Variants in PTPRD observed in about 807,000 individuals in gnomAD.
PTPRD encodes receptor-type tyrosine-protein phosphatase delta.
PTPRD carries 34 observed loss-of-function variants against 214.5 expected under a neutral mutation model. That is an observed-to-expected ratio of 0.16 (90% confidence interval 0.12 to 0.21). The LOEUF (loss-of-function observed/expected upper bound fraction) is 0.21. Among genes scored for constraint, PTPRD ranks in the 10% least tolerant of loss-of-function variants. The pLI, the probability that PTPRD is intolerant of heterozygous loss-of-function variation, is 1.00. For synonymous variants in PTPRD, 1,128 were observed against 845.7 expected (o/e 1.33, Z -5.79); for missense variants, 2,545 against 2,398.7 (o/e 1.06, Z -1.27).
chr9:10,510,172 T>G (rs2133735344), intron 2 of PTPRD, among the ~76,000 whole-genome samples: 1 of 152,226 alleles, frequency 6.6e-6, no homozygotes, highest in East Asian at 1.9e-4. Flanking sequence ...AAATGTCAAT[T>G]TGCCAAAGTT....
At chr9:10,323,699 C>T (rs559800458) in intron 3 of PTPRD, among the ~76,000 whole-genome samples, 7 of 151,848 alleles carry the variant, frequency 4.6e-5, no homozygotes, top group Non-Finnish European at 8.8e-5. Context: ...TATGCAGTTG[C>T]TATTTAGTTC....
At position 10,561,356 on chromosome 9, in the gene PTPRD, G is replaced by GGAGTA. The variant is rs534176973; in HGVS notation, c.-600+51037_-600+51041dup. On this transcript the variant is annotated intron_variant, in intron 2 of 45. Coordinates refer to ENST00000381196, the MANE Select transcript of PTPRD (RefSeq NM_002839.4). ...GCAAATGTAAAGATACTTTTGACAT[G>GGAGTA]GAGTAGTCTCAGATTCCCTTTAGTA... Among the ~76,000 whole-genome samples the GGAGTA allele has an allele frequency of 8.5e-3, 1,300 of 152,214 alleles. 7 individuals carry two copies. The highest frequency in any genetic ancestry group is 0.013 in the Non-Finnish European group (890 of 67,998).
At chr9:10,016,406 T>G (rs200199259) in intron 4 of PTPRD, among the ~76,000 whole-genome samples, 1 of 141,216 alleles carries the variant, frequency 7.1e-6, no homozygotes, top group Non-Finnish European at 1.5e-5. Context: ...GACAGATAGA[T>G]AGGGAAATTC....
At chr9:9,795,885 C>T (rs1486439504) in intron 5 of PTPRD, among the ~76,000 whole-genome samples, 1 of 151,898 alleles carries the variant, frequency 6.6e-6, no homozygotes, top group Non-Finnish European at 1.5e-5. Context: ...TCCAAATATA[C>T]TAGAAAAAAT....
At chr9:9,642,994 T>C (rs1212163039) in intron 7 of PTPRD, among the ~76,000 whole-genome samples, 1 of 152,200 alleles carries the variant, frequency 6.6e-6, no homozygotes, top group Non-Finnish European at 1.5e-5. Flanking sequence ...AAGCTGGTTC[T>C]AAAATTTCTC....
At chr9:9,294,947 T>G (rs921557322) in intron 9 of PTPRD, among the ~76,000 whole-genome samples, 7 of 151,726 alleles carry the variant, frequency 4.6e-5, no homozygotes, top group Non-Finnish European at 1.0e-4. Context: ...AAGTGAAATA[T>G]TAGGCAATAA....
chr9:9,045,903 A>T (rs1465562626), intron 10 of PTPRD, among the ~76,000 whole-genome samples: 1 of 152,288 alleles, frequency 6.6e-6, no homozygotes, highest in African/African-American at 2.4e-5. Context: ...GCTTCCATCA[A>T]TCATTCCTCT....
intron 11 of PTPRD, among the ~76,000 whole-genome samples, chr9:8,776,291 C>CA (rs2095470764): frequency 6.6e-6 from 1 of 152,124 alleles, no homozygotes; most frequent in Non-Finnish European, 1.5e-5. Context: ...CTAGACACCT[C>CA]AAAAGTAGGC....
chr9:8,885,472 T>C (rs1011536512), intron 11 of PTPRD, among the ~76,000 whole-genome samples: 5 of 150,484 alleles, frequency 3.3e-5, no homozygotes, highest in Non-Finnish European at 5.9e-5. Context: ...TGTCTTTCCA[T>C]TATACCACAC....
At chr9:10,436,904 A>G (rs1040127245) in intron 2 of PTPRD, among the ~76,000 whole-genome samples, 1 of 151,792 alleles carries the variant, frequency 6.6e-6, no homozygotes, top group African/African-American at 2.4e-5. Flanking sequence ...TCACGGAACT[A>G]AATATGTACT....
At chr9:10,242,278 CTTTGT>C (rs1281940631) in intron 3 of PTPRD, among the ~76,000 whole-genome samples, 3 of 151,854 alleles carry the variant, frequency 2.0e-5, no homozygotes, top group Non-Finnish European at 4.4e-5. Flanking sequence ...TCTGCTTTTT[CTTTGT>C]TTTATTTCTT....
chr9:9,678,527 T>C (rs1239106079), intron 7 of PTPRD, among the ~76,000 whole-genome samples: 1 of 151,862 alleles, frequency 6.6e-6, no homozygotes, highest in African/African-American at 2.4e-5. Flanking sequence ...CAATAAAAAA[T>C]CCTTCGTATT....
intron 10 of PTPRD, among the ~76,000 whole-genome samples, chr9:9,103,555 A>G (rs2099794282): frequency 6.6e-6 from 1 of 152,168 alleles, no homozygotes; most frequent in Non-Finnish European, 1.5e-5. Flanking sequence ...TGTTGCAAAA[A>G]TCTAAAGAAA....
intron 37 of PTPRD, among the ~76,000 whole-genome samples, chr9:8,383,652 A>G (rs1426800545): frequency 6.6e-6 from 1 of 152,206 alleles, no homozygotes; most frequent in African/African-American, 2.4e-5. Context: ...CTATATTTTC[A>G]CTACTAATTG....
At chr9:9,912,924 A>G (rs1401204427) in intron 5 of PTPRD, among the ~76,000 whole-genome samples, 1 of 152,174 alleles carries the variant, frequency 6.6e-6, no homozygotes, top group African/African-American at 2.4e-5. Flanking sequence ...TTTCCTAAAA[A>G]CTGATACTTT....
intron 3 of PTPRD, among the ~76,000 whole-genome samples, chr9:10,293,528 C>G (rs549403858): frequency 6.6e-6 from 1 of 151,866 alleles, no homozygotes; most frequent in Non-Finnish European, 1.5e-5. Context: ...GTTAGAAAAA[C>G]TTTATTCACA....
intron 5 of PTPRD, among the ~76,000 whole-genome samples, chr9:9,926,136 T>C (rs1327065988): frequency 6.6e-6 from 1 of 152,128 alleles, no homozygotes; most frequent in Non-Finnish European, 1.5e-5. Flanking sequence ...GGCCAACTTC[T>C]CTTATACGTT....
intron 31 of PTPRD, among the ~76,000 whole-genome samples, chr9:8,467,463 C>T (rs1253069160): frequency 1.3e-5 from 2 of 151,800 alleles, no homozygotes; most frequent in Non-Finnish European, 2.9e-5. Context: ...CCAATTTACT[C>T]CTCGTAATAA....
Position 9,558,588 on chromosome 9 carries a change from C to T in PTPRD, c.-237+16144G>A, listed in dbSNP as rs531418256. ...CGATACATACACAAGCAACTGAGCA[C>T]GCAGGCCTGTTACATACATAAGCGT... On this transcript the variant is annotated intron_variant, in intron 8 of 45. Coordinates refer to ENST00000381196, the MANE Select transcript of PTPRD (RefSeq NM_002839.4). 1.1e-4 allele frequency among the ~76,000 whole-genome samples: 17 copies of T among 152,284 alleles called. No individual in the cohort carries two copies. The East Asian group carries it at 1.5e-3, about 14-fold the overall frequency.
Sources: allele counts gnomAD v4.1 joint callset (sites outside exome capture counted in the v4.1 genomes callset), GRCh38; gene constraint gnomAD v4.1.1; transcripts MANE v1.5; gene names NCBI Gene and HGNC (gene_info 2026-07-23, HGNC 2026-07-21).